The following CKM variants were observed in gnomAD, a reference collection of about 807,000 sequenced individuals.
CKM encodes creatine kinase M-type.
CKM carries 28 observed loss-of-function variants against 35.4 expected under a neutral mutation model. That is an observed-to-expected ratio of 0.79 (90% confidence interval 0.59 to 1.08). CKM has a LOEUF of 1.08. CKM is among the 50% of genes least tolerant of loss of function. The pLI, the probability that CKM is intolerant of heterozygous loss-of-function variation, is 0.00. For synonymous variants in CKM, 215 were observed against 204.4 expected (o/e 1.05, Z -0.44); for missense variants, 484 against 509.8 (o/e 0.95, Z 0.49).
At chr19:45,308,126 G>T (rs1011398264) in intron 6 of CKM, among the ~76,000 whole-genome samples, 3 of 152,132 alleles carry the variant, frequency 2.0e-5, no homozygotes, top group Non-Finnish European at 2.9e-5. Flanking sequence ...CTCCCAAAGT[G>T]CTGGGATTAC....
rs1971210554 is a variant in CKM at position 45,321,148 on chromosome 19, C to T, written c.-18-1417G>A. On this transcript the variant is annotated intron_variant, in intron 1 of 7. Coordinates refer to ENST00000221476, the MANE Select transcript of CKM (RefSeq NM_001824.5). ...TGAACTCCTGAACTCAAGTGATCCG[C>T]CCACCTCTGCCTCCCAAAGTGCTGA... Among the ~76,000 whole-genome samples the T allele has an allele frequency of 4.0e-5, 6 of 151,758 alleles. No homozygotes were observed. The South Asian group carries it at 1.0e-3, about 26-fold the overall frequency.
intron 6 of CKM, among the ~76,000 whole-genome samples, chr19:45,308,150 C>G (rs1406839186): frequency 6.6e-6 from 1 of 151,956 alleles, no homozygotes; most frequent in Non-Finnish European, 1.5e-5. Flanking sequence ...CGTGAGCCAC[C>G]GCTCCCGGCC....
Position 45,319,631 on chromosome 19 carries a change from T to A in CKM, c.83A>T (p.Asn28Ile). The A allele has an allele frequency of 6.2e-7, 1 of 1,614,064 alleles. No homozygotes were observed. The highest frequency in any genetic ancestry group is 8.5e-7 in the Non-Finnish European group (1 of 1,179,990). Residue 28 changes from asparagine (N) to isoleucine (I), a missense_variant, in exon 2 of 8, where the codon AAC (asparagine) becomes ATC (isoleucine). Coordinates refer to ENST00000221476, the MANE Select transcript of CKM (RefSeq NM_001824.5). ...AAGGGTCAGTACCTTGGCCATGTGG[T>A]TGTTATGTTTGCTGAGGTCGGGGTA... is the stretch of plus-strand genomic sequence containing the variant. The part of the protein sequence containing the change: ...EEYPDLSKHN[N>I]HMAKVLTLEL...
intron 3 of CKM, among the ~76,000 whole-genome samples, 161 bp downstream of exon 3, chr19:45,317,664 C>T (rs573441517): frequency 3.2e-4 from 49 of 151,502 alleles, no homozygotes; most frequent in East Asian, 2.3e-3. Flanking sequence ...TCAAGTGATA[C>T]GCTCGCCTCA....
In CKM at chr19:45,315,872, C is replaced by T. The variant is rs372405846; in HGVS notation, c.349-275G>A. Among the ~76,000 whole-genome samples, 18 of 53,364 alleles carry T rather than the reference C, an allele frequency of 3.4e-4. No individual in the cohort carries two copies. In the South Asian group the frequency reaches 5.1e-3, roughly 15 times the overall value. 35.0% of individuals were successfully genotyped at this position (53,364 alleles called of 152,430 possible). ...TCCTTTTTTTTCTTCGAGACAGGGT[C>T]TCTCTCTGTCGCCCAGGCTGGAGTG... On this transcript the variant is annotated intron_variant, in intron 3 of 7. Coordinates refer to ENST00000221476, the MANE Select transcript of CKM (RefSeq NM_001824.5).
intron 5 of CKM, among the ~76,000 whole-genome samples, chr19:45,311,296 C>T (rs1473395570): frequency 6.6e-6 from 1 of 151,002 alleles, no homozygotes; most frequent in South Asian, 2.1e-4. Context: ...TGCAGTGGCA[C>T]GATCTCGGCT....
chr19:45,317,729 C>G, intron 3 of CKM, 96 bp downstream of exon 3: 1 of 1,352,136 alleles, frequency 7.4e-7, no homozygotes, highest in Non-Finnish European at 1.0e-6. Context: ...ACCTCTGTGT[C>G]TCTCTCTGTC....
chr19:45,314,632 T>G (rs888416575), intron 4 of CKM, among the ~76,000 whole-genome samples: 9 of 152,094 alleles, frequency 5.9e-5, no homozygotes, highest in African/African-American at 2.2e-4. Context: ...CAGGCTGGTC[T>G]CAAACTCCTG....
intron 1 of CKM, among the ~76,000 whole-genome samples, chr19:45,322,595 G>A (rs903861833): frequency 2.0e-5 from 3 of 152,132 alleles, no homozygotes; most frequent in African/African-American, 7.2e-5. Flanking sequence ...CCCAAGACTT[G>A]TGCCGCAGAA....
intron 5 of CKM, among the ~76,000 whole-genome samples, chr19:45,308,836 C>T (rs1429066971): frequency 2.6e-5 from 4 of 152,256 alleles, no homozygotes; most frequent in Non-Finnish European, 5.9e-5. Flanking sequence ...GAACTGATAA[C>T]ACTTGGTAAT....
In CKM at chr19:45,307,466, C is replaced by A; in HGVS notation, c.962G>T (p.Gly321Val). Residue 321 changes from glycine (G) to valine (V), a missense_variant, in exon 7 of 8, where the codon GGT (glycine) becomes GTT (valine). Coordinates refer to ENST00000221476, the MANE Select transcript of CKM (RefSeq NM_001824.5). Reference protein sequence around the residue: ...ILTRLRLQKRGTGGVDTAAVG... With the variant: ...ILTRLRLQKRVTGGVDTAAVG... ...AAAGGATGTGGGAGCCGTACCTGTA[C>A]CCCTCTTCTGCAGACGCAGGCGGGT... 6.2e-7 allele frequency: 1 copy of A among 1,613,816 alleles called. No homozygotes were observed. The highest frequency in any genetic ancestry group is 8.5e-7 in the Non-Finnish European group (1 of 1,179,826).
At chr19:45,307,750 G>A (rs576465646) in intron 6 of CKM, 100 bp from the exon 7 acceptor site, 9 of 942,336 alleles carry the variant, frequency 9.6e-6, no homozygotes, top group South Asian at 7.3e-5. Flanking sequence ...TGGGAACGTG[G>A]TGGAGGTGGG....
chr19:45,307,362 G>T (rs1971062613), intron 7 of CKM, 99 bp downstream of exon 7: 2 of 1,154,328 alleles, frequency 1.7e-6, no homozygotes, highest in Admixed American at 2.0e-5. Context: ...GCCCTTGCCG[G>T]ATCCCCAGAA....
In CKM at chr19:45,319,435, C is replaced by T. The variant is rs771388727; in HGVS notation, c.193+86G>A. Reference sequence around the variant, plus strand: ...AGATGAGAAAACTGAGGCCCCCCCCCCTTCAAGGGTGGTGGGATTGGGGCA... The same window carrying T: ...AGATGAGAAAACTGAGGCCCCCCCCTCTTCAAGGGTGGTGGGATTGGGGCA... On this transcript the variant is annotated intron_variant, in intron 2 of 7. Transcript: ENST00000221476. 238 of 1,047,166 alleles carry T rather than the reference C, an allele frequency of 2.3e-4. No homozygotes were observed. In the South Asian group the frequency reaches 2.6e-3, roughly 11 times the overall value. The allele number at this position is 1,047,166 out of a possible 1,614,324, so 64.9% of individuals were successfully genotyped here.
At position 45,311,155 on chromosome 19, in the gene CKM, C is replaced by T. The variant is rs180726721; in HGVS notation, c.653+594G>A. 3.3e-5 allele frequency among the ~76,000 whole-genome samples: 5 copies of T among 150,250 alleles called. No individual in the cohort carries two copies. In the East Asian group the frequency reaches 9.8e-4, roughly 29 times the overall value. On this transcript the variant is annotated intron_variant, in intron 5 of 7. Transcript: ENST00000221476. ...CTGGTCTAGAACTCCTGGGCACAAG[C>T]GACCCTCCTGCTGCAGCCTCCCAAA...
intron 7 of CKM, 85 bp downstream of exon 7, chr19:45,307,376 G>T: frequency 1.5e-6 from 2 of 1,321,656 alleles, no homozygotes; most frequent in Non-Finnish European, 2.1e-6. Flanking sequence ...CCCAGAACTC[G>T]CAGGGATGTC....
rs774181882 is a variant in CKM at position 45,306,858 on chromosome 19, T to C, written c.1038A>G (p.Glu346=). ...VSNADRLGSS[E]VEQVQLVVDG... ...CCACCACCAGCTGCACCTGTTCTAC[T>C]TCGGACGAGCCCAGCCGATCAGCGT... The change falls in exon 8 of 8, where the codon GAA becomes GAG. Residue 346 remains glutamate (E), a synonymous_variant. Coordinates refer to ENST00000221476, the MANE Select transcript of CKM (RefSeq NM_001824.5). The surrounding 1 kb of genome is among the most constrained non-coding windows in gnomAD (Gnocchi z 4.5). The C allele has an allele frequency of 1.9e-6, 3 of 1,614,226 alleles. No homozygotes were observed. Among genetic ancestry groups the C allele is most frequent in the Non-Finnish European group, 2.5e-6 (3 of 1,180,044 alleles).
chr19:45,313,511 T>G (rs932439890), intron 4 of CKM, among the ~76,000 whole-genome samples: 6 of 152,080 alleles, frequency 3.9e-5, no homozygotes, highest in Non-Finnish European at 5.9e-5. Flanking sequence ...GGCCTCGAGG[T>G]GTTCAAGTGA....
At chr19:45,313,199 C>T (rs1205401627) in intron 4 of CKM, among the ~76,000 whole-genome samples, 1 of 152,108 alleles carries the variant, frequency 6.6e-6, no homozygotes, top group Non-Finnish European at 1.5e-5. Flanking sequence ...TTTCCTACAG[C>T]ATGTGCCACT....
Sources: allele counts gnomAD v4.1 joint callset (sites outside exome capture counted in the v4.1 genomes callset), GRCh38; gene constraint gnomAD v4.1.1; non-coding constraint Gnocchi (gnomAD v3.1); transcripts MANE v1.5; gene names NCBI Gene and HGNC (gene_info 2026-07-23, HGNC 2026-07-21).